CADPS: variants seen among roughly 807,000 people sequenced by gnomAD.
CADPS encodes calcium dependent secretion activator.
In CADPS, 57 loss-of-function variants were observed where a neutral mutation model predicts 167.3. That is an observed-to-expected ratio of 0.34 (90% CI 0.28 to 0.42). The LOEUF (loss-of-function observed/expected upper bound fraction) is 0.42, where lower values mean the gene tolerates loss of function less well. Among genes scored for constraint, CADPS ranks in the 20% least tolerant of loss-of-function variants. CADPS has a pLI of 1.00. For missense variants in CADPS, 1,414 were observed against 1,738.1 expected, an observed-to-expected ratio of 0.81 and a Z score of 3.32; for synonymous variants, 676 against 635.3, an observed-to-expected ratio of 1.06 and a Z score of -0.96.
At chr3:62,456,780 C>A (rs200975622) in intron 26 of CADPS, among the ~76,000 whole-genome samples, 2,895 of 145,536 alleles carry the variant, frequency 0.02, 30 homozygotes, top group African/African-American at 0.035. Flanking sequence ...AAAAAAAAAA[C>A]CCAATATAAT....
chr3:62,472,996 G>A (rs1432993836), intron 24 of CADPS, among the ~76,000 whole-genome samples: 1 of 152,176 alleles, frequency 6.6e-6, no homozygotes, highest in East Asian at 1.9e-4. Flanking sequence ...CCACACCGCA[G>A]ACCTATCTGA....
intron 24 of CADPS, among the ~76,000 whole-genome samples, chr3:62,468,174 T>C (rs2060162110): frequency 6.6e-6 from 1 of 152,146 alleles, no homozygotes; most frequent in Non-Finnish European, 1.5e-5. Context: ...AAGAAAGATG[T>C]CAGAGCAAAA....
In CADPS at chr3:62,613,957, C is replaced by T. The variant is rs1316310358; in HGVS notation, c.1326-21209G>A. Among the ~76,000 whole-genome samples, 6 of 152,070 alleles carry T rather than the reference C, an allele frequency of 3.9e-5. No individual in the cohort carries two copies. In the South Asian group the frequency reaches 6.2e-4, roughly 16 times the overall value. The stretch of plus-strand genomic sequence containing the variant: ...TTTCCCTACTCCCCTCTGTGCTCCC[C>T]GAGTGACTGCCAATCTGCATGACCC... On this transcript the variant is annotated intron_variant, in intron 6 of 29. Transcript: ENST00000383710.
chr3:62,863,254 T>C (rs73097483), intron 1 of CADPS, among the ~76,000 whole-genome samples: 5,264 of 152,256 alleles, frequency 0.035, 137 homozygotes, highest in South Asian at 0.081. Flanking sequence ...CAGACTGCCT[T>C]GGCCCCAACC....
At position 62,446,836 on chromosome 3, in the gene CADPS, G is replaced by T. The variant is rs556391847; in HGVS notation, c.3637-1039C>A. 6.6e-6 allele frequency among the ~76,000 whole-genome samples: 1 copy of T among 152,156 alleles called. No individual in the cohort carries two copies. Among genetic ancestry groups the T allele is most frequent in the Non-Finnish European group, 1.5e-5 (1 of 68,042 alleles). On this transcript the variant is annotated intron_variant, in intron 26 of 29. Transcript: ENST00000383710. This position sits in a 1 kb window ranked among gnomAD's most constrained non-coding sequence, Gnocchi z 4.9. ...AATTAAGACTAAGGAGCTACATTTG[G>T]GGTCAGAGAGGGTTTCCTGTTTTTA... is the stretch of plus-strand genomic sequence containing the variant.
intron 3 of CADPS, among the ~76,000 whole-genome samples, chr3:62,740,015 T>C (rs531456301): frequency 6.6e-6 from 1 of 152,340 alleles, no homozygotes; most frequent in Admixed American, 6.5e-5. Flanking sequence ...ACCCTTGAAA[T>C]CAGTGACTTA....
At position 62,812,794 on chromosome 3, in the gene CADPS, C is replaced by A. The variant is rs534490339; in HGVS notation, c.442-46810G>T. Among the ~76,000 whole-genome samples the A allele has an allele frequency of 3.3e-5, 5 of 152,254 alleles. No individual in the cohort carries two copies. The South Asian group carries it at 8.3e-4, about 25-fold the overall frequency. On this transcript the variant is annotated intron_variant, in intron 1 of 29. Coordinates refer to ENST00000383710, the MANE Select transcript of CADPS (RefSeq NM_003716.4). ...TCTCTCCATAAGAGAGAGCATCAGA[C>A]CAAGGGCATGCCTCTCCAGGCAAAT...
Position 62,786,385 on chromosome 3 carries a change from T to C in CADPS, c.442-20401A>G, listed in dbSNP as rs542003613. Among the ~76,000 whole-genome samples, 5 of 152,256 alleles carry C rather than the reference T, an allele frequency of 3.3e-5. No homozygotes were observed. In the East Asian group the frequency reaches 9.6e-4, roughly 29 times the overall value. ...ACATGCTTATAAAAATCTCTAATGGTAATTCCAGCATTTTGGGAGGCTGAG... is the reference window on the plus strand; with the variant it reads ...ACATGCTTATAAAAATCTCTAATGGCAATTCCAGCATTTTGGGAGGCTGAG... On this transcript the variant is annotated intron_variant, in intron 1 of 29. Transcript: ENST00000383710.
chr3:62,415,686 G>T (rs745823662), intron 28 of CADPS, among the ~76,000 whole-genome samples: 2 of 152,118 alleles, frequency 1.3e-5, no homozygotes, highest in South Asian at 2.1e-4. Flanking sequence ...TAGTTTTTTT[G>T]TGTGTGAACA....
At chr3:62,562,633 C>A (rs148320330) in intron 9 of CADPS, among the ~76,000 whole-genome samples, 1 of 152,222 alleles carries the variant, frequency 6.6e-6, no homozygotes, top group African/African-American at 2.4e-5. Context: ...CTGCACCTGG[C>A]CTTCTGTGGG....
intron 26 of CADPS, among the ~76,000 whole-genome samples, chr3:62,448,436 C>T (rs1309285717): frequency 2.0e-5 from 3 of 152,128 alleles, no homozygotes; most frequent in Non-Finnish European, 4.4e-5. Context: ...TCCACTCTCC[C>T]TCATGCACCA....
chr3:62,508,802 T>C (rs1269051070), intron 17 of CADPS, among the ~76,000 whole-genome samples: 19 of 152,336 alleles, frequency 1.2e-4, no homozygotes. Flanking sequence ...CATCTTTTTT[T>C]CTGATAGAAG....
intron 3 of CADPS, among the ~76,000 whole-genome samples, chr3:62,725,554 T>A (rs1458792325): frequency 1.3e-5 from 2 of 152,078 alleles, no homozygotes; most frequent in Non-Finnish European, 2.9e-5. Flanking sequence ...TCCTCAACCA[T>A]TGAAGCAAGA....
intron 8 of CADPS, among the ~76,000 whole-genome samples, chr3:62,573,913 T>C (rs372672928): frequency 1.3e-5 from 2 of 152,360 alleles, no homozygotes; most frequent in East Asian, 3.9e-4. Context: ...TCCTGATAGA[T>C]GGTAACTGGT....
intron 1 of CADPS, among the ~76,000 whole-genome samples, chr3:62,856,333 G>A (rs1048664789): frequency 1.3e-5 from 2 of 152,008 alleles, no homozygotes; most frequent in African/African-American, 4.8e-5. Context: ...AATAAATTGA[G>A]GCACATCAAA....
intron 9 of CADPS, among the ~76,000 whole-genome samples, chr3:62,564,077 C>T (rs910916586): frequency 3.9e-5 from 6 of 152,100 alleles, no homozygotes; most frequent in African/African-American, 1.4e-4. Flanking sequence ...TCTCGGCTCA[C>T]TGCAAACTCC....
intron 6 of CADPS, among the ~76,000 whole-genome samples, chr3:62,598,993 G>A (rs1243302152): frequency 6.6e-6 from 1 of 152,048 alleles, no homozygotes; most frequent in East Asian, 1.9e-4. Context: ...AAAAACCTTG[G>A]CCTTTTGGTG....
intron 1 of CADPS, among the ~76,000 whole-genome samples, chr3:62,797,713 G>GT (rs1208821920): frequency 2.6e-5 from 4 of 151,794 alleles, no homozygotes; most frequent in South Asian, 4.2e-4. Context: ...TAACTAACGG[G>GT]TACTAGGCTT....
chr3:62,791,007 A>AAG lies in CADPS; in HGVS notation c.442-25024_442-25023insCT, dbSNP rs1209631722. 2.6e-5 allele frequency among the ~76,000 whole-genome samples: 4 copies of AAG among 151,888 alleles called. No homozygotes were observed. In the East Asian group the frequency reaches 7.8e-4, roughly 30 times the overall value. ...ATGTGTTGGCTCCTAAGTAAAAAAA[A>AAG]AAATACGTATTTATCAGTATTCTTT... On this transcript the variant is annotated intron_variant, in intron 1 of 29. Coordinates refer to ENST00000383710, the MANE Select transcript of CADPS (RefSeq NM_003716.4).
Sources: allele counts gnomAD v4.1 joint callset (sites outside exome capture counted in the v4.1 genomes callset), GRCh38; gene constraint gnomAD v4.1.1; non-coding constraint Gnocchi (gnomAD v3.1); transcripts MANE v1.5; gene names NCBI Gene and HGNC (gene_info 2026-07-23, HGNC 2026-07-21).